FRS2: variants seen among roughly 807,000 people sequenced by gnomAD.
FRS2 encodes the protein fibroblast growth factor receptor substrate 2.
A neutral mutation model predicts 43.9 loss-of-function variants in FRS2; 8 were observed. That is an observed-to-expected ratio of 0.18 (90% CI 0.11 to 0.33). The LOEUF is 0.33. FRS2 is among the 10% of genes least tolerant of loss of function. The pLI is 1.00. For synonymous variants in FRS2, 219 were observed against 220.3 expected (o/e 0.99, Z 0.05); for missense variants, 534 against 627.6 (o/e 0.85, Z 1.59).
intron 4 of FRS2, among the ~76,000 whole-genome samples, chr12:69,564,825 G>A (rs11177719): frequency 0.19 from 28,320 of 152,116 alleles, 2,929 homozygotes; most frequent in Middle Eastern, 0.31. Flanking sequence ...ATACATCAGT[G>A]GTTTTCCATC....
In FRS2 at chr12:69,499,847, A is replaced by G. The variant is rs114769473; in HGVS notation, c.-261+29317A>G. Among the ~76,000 whole-genome samples, 879 of 152,186 alleles carry G rather than the reference A, an allele frequency of 5.8e-3. 9 individuals are homozygous for G. Among genetic ancestry groups the G allele is most frequent in the African/African-American group, 0.019 (799 of 41,536 alleles). On this transcript the variant is annotated intron_variant, in intron 1 of 8. Transcript: ENST00000549921. ...ATGGTGTTGAATTTGATGTGCTGGTATAGTATCCCAAGTTGGAATCTGGAG... is the reference window on the plus strand; with the variant it reads ...ATGGTGTTGAATTTGATGTGCTGGTGTAGTATCCCAAGTTGGAATCTGGAG...
At chr12:69,567,787 G>GA (rs1002464198) in intron 4 of FRS2, among the ~76,000 whole-genome samples, 1 of 152,178 alleles carries the variant, frequency 6.6e-6, no homozygotes, top group Non-Finnish European at 1.5e-5. Context: ...ATGCTCTGGG[G>GA]AAACTGCAGC....
intron 1 of FRS2, among the ~76,000 whole-genome samples, chr12:69,512,709 T>C (rs1874577916): frequency 6.6e-6 from 1 of 152,236 alleles, no homozygotes; most frequent in African/African-American, 2.4e-5. Flanking sequence ...TTTTACTTTA[T>C]AACACATCCC....
intron 8 of FRS2, 82 bp from the exon 9 acceptor site, chr12:69,573,923 A>G: frequency 1.1e-6 from 1 of 871,866 alleles, no homozygotes; most frequent in African/African-American, 1.7e-5. Flanking sequence ...TGTTGTCAAT[A>G]AAATTAACTG....
chr12:69,483,222 C>T (rs1394325374), intron 1 of FRS2, among the ~76,000 whole-genome samples: 17 of 152,122 alleles, frequency 1.1e-4, no homozygotes, highest in Middle Eastern at 3.2e-3. Flanking sequence ...CTTCCTTGTG[C>T]GTGCATGTGT....
Position 69,578,126 on chromosome 12 carries a change from C to T in FRS2, c.*3171C>T, listed in dbSNP as rs932738785. 1 of 152,570 alleles carries T rather than the reference C, an allele frequency of 6.6e-6. No individual in the cohort carries two copies. The highest frequency in any genetic ancestry group is 1.5e-5 in the Non-Finnish European group (1 of 67,998). The allele number at this position is 152,570 out of a possible 1,614,324, so 9.5% of individuals were successfully genotyped here. ...TTTTGCCTCAAGGTAAAGGTTTTAA[C>T]AGATGAAAAAGTACTTCCCAATTCC... On this transcript the variant is annotated 3_prime_UTR_variant, in exon 9 of 9. Coordinates refer to ENST00000549921, the MANE Select transcript of FRS2 (RefSeq NM_001278356.2).
At chr12:69,537,366 T>G (rs1399241460) in intron 3 of FRS2, among the ~76,000 whole-genome samples, 1 of 152,116 alleles carries the variant, frequency 6.6e-6, no homozygotes, top group East Asian at 1.9e-4. Flanking sequence ...GTACGTTCTT[T>G]AGAATTTCCT....
At chr12:69,560,673 CTA>C (rs1408843999) in intron 3 of FRS2, among the ~76,000 whole-genome samples, 3 of 152,106 alleles carry the variant, frequency 2.0e-5, no homozygotes, top group Admixed American at 6.5e-5. Context: ...CCAAATGACT[CTA>C]TGTGTGGCAT....
chr12:69,477,940 A>G (rs1330973371), intron 1 of FRS2, among the ~76,000 whole-genome samples: 1 of 150,962 alleles, frequency 6.6e-6, no homozygotes, highest in Non-Finnish European at 1.5e-5. Flanking sequence ...ACGGGGTTTC[A>G]CCATGTTAGC....
Position 69,541,018 on chromosome 12 carries a change from T to G in FRS2, c.-122+8962T>G, listed in dbSNP as rs546138689. 5.8e-4 allele frequency among the ~76,000 whole-genome samples: 89 copies of G among 152,328 alleles called. 1 individual carries two copies. The South Asian group carries it at 0.018, about 32-fold the overall frequency. On this transcript the variant is annotated intron_variant, in intron 3 of 8. Transcript: ENST00000549921. ...CAAGAAAAATCTGAAAAACCATTAC[T>G]GCCAAGAGGATCCTTAAGAGACATG...
intron 1 of FRS2, among the ~76,000 whole-genome samples, chr12:69,517,284 T>C (rs1875152528): frequency 6.6e-6 from 1 of 152,236 alleles, no homozygotes; most frequent in African/African-American, 2.4e-5. Flanking sequence ...TTGTATAAAA[T>C]TACTTTCAGC....
intron 1 of FRS2, among the ~76,000 whole-genome samples, chr12:69,494,459 C>T (rs1318389579): frequency 6.6e-6 from 1 of 152,202 alleles, no homozygotes; most frequent in Non-Finnish European, 1.5e-5. Context: ...TAATTTGCTG[C>T]AGCTCATTTA....
chr12:69,482,712 T>C (rs1325326011), intron 1 of FRS2, among the ~76,000 whole-genome samples: 2 of 152,232 alleles, frequency 1.3e-5, no homozygotes, highest in African/African-American at 4.8e-5. Context: ...GAAACTGTTT[T>C]CTGGCAAGGA....
chr12:69,514,602 G>A (rs769831159), intron 1 of FRS2, among the ~76,000 whole-genome samples: 11 of 152,172 alleles, frequency 7.2e-5, no homozygotes, highest in Admixed American at 6.5e-4. Context: ...GGAGGCTGAG[G>A]TGGGTGGATC....
chr12:69,550,666 A>G (rs940946777), intron 3 of FRS2, among the ~76,000 whole-genome samples: 1 of 152,232 alleles, frequency 6.6e-6, no homozygotes, highest in African/African-American at 2.4e-5. Flanking sequence ...TTTAGATAGC[A>G]GAGATATTGT....
chr12:69,497,554 AG>A (rs1292302920), intron 1 of FRS2, among the ~76,000 whole-genome samples: 2 of 152,188 alleles, frequency 1.3e-5, no homozygotes, highest in Non-Finnish European at 2.9e-5. Flanking sequence ...ACTTCCCCAA[AG>A]GCCCTACCGC....
intron 1 of FRS2, among the ~76,000 whole-genome samples, chr12:69,527,302 G>C (rs1024377809): frequency 7.8e-5 from 9 of 115,530 alleles, no homozygotes; most frequent in Non-Finnish European, 1.1e-4. Flanking sequence ...TTGTCCTCTT[G>C]TCTGAAGCAA....
chr12:69,530,352 G>A (rs976455976), intron 1 of FRS2, among the ~76,000 whole-genome samples: 3 of 151,658 alleles, frequency 2.0e-5, no homozygotes, highest in Non-Finnish European at 4.4e-5. Flanking sequence ...GGACTGAAGA[G>A]TTCTGGTCCC....
At chr12:69,520,537 T>C (rs566400625) in intron 1 of FRS2, among the ~76,000 whole-genome samples, 1 of 152,280 alleles carries the variant, frequency 6.6e-6, no homozygotes, top group South Asian at 2.1e-4. Flanking sequence ...TTCCAGAGTT[T>C]TTATAGTTTG....
Sources: gnomAD v4.1 joint callset for allele counts (sites outside exome capture counted in the v4.1 genomes callset) on GRCh38, gnomAD v4.1.1 for gene constraint, MANE v1.5 for transcripts, NCBI Gene and HGNC (gene_info 2026-07-23, HGNC 2026-07-21) for gene names.